KSR2: variants seen among roughly 807,000 people sequenced by gnomAD.
KSR2 encodes kinase suppressor of ras 2.
In KSR2, 25 loss-of-function variants were observed where a neutral mutation model predicts 107.8. That is an observed-to-expected ratio of 0.23 (90% CI 0.17 to 0.32). The LOEUF is 0.32. KSR2 is among the 10% of genes least tolerant of loss of function. The pLI is 1.00. For synonymous variants in KSR2, 480 were observed against 507.0 expected, an observed-to-expected ratio of 0.95 and a Z score of 0.71; for missense variants, 887 against 1,268.9, an observed-to-expected ratio of 0.70 and a Z score of 4.57.
intron 1 of KSR2, among the ~76,000 whole-genome samples, chr12:117,866,279 C>T (rs1470077418): frequency 1.3e-5 from 2 of 152,106 alleles, no homozygotes; most frequent in Admixed American, 6.5e-5. Flanking sequence ...TCTCTAACTC[C>T]TGGACTCAAG....
chr12:117,854,804 T>A (rs1893044962), intron 3 of KSR2, among the ~76,000 whole-genome samples: 1 of 151,400 alleles, frequency 6.6e-6, no homozygotes, highest in African/African-American at 2.4e-5. Flanking sequence ...ATGGAAAAGA[T>A]CCAGGAGGGA....
At chr12:117,771,955 A>C (rs561310) in intron 3 of KSR2, among the ~76,000 whole-genome samples, 15 of 140,150 alleles carry the variant, frequency 1.1e-4, no homozygotes, top group East Asian at 2.2e-4. Context: ...ACACCATTCC[A>C]TCAAAGACGC....
At chr12:117,683,533 T>C (rs1015513159) in intron 4 of KSR2, among the ~76,000 whole-genome samples, 1 of 152,220 alleles carries the variant, frequency 6.6e-6, no homozygotes, top group African/African-American at 2.4e-5. Flanking sequence ...GTGTATATTA[T>C]ATGTCTATTG....
chr12:117,481,752 A>C (rs1487342525), intron 16 of KSR2, among the ~76,000 whole-genome samples: 1 of 152,188 alleles, frequency 6.6e-6, no homozygotes, highest in Non-Finnish European at 1.5e-5. Context: ...TGCAAAGCCC[A>C]AAGCCTGGCC....
chr12:117,726,720 G>A (rs1254227063), intron 4 of KSR2, among the ~76,000 whole-genome samples: 1 of 152,222 alleles, frequency 6.6e-6, no homozygotes, highest in Non-Finnish European at 1.5e-5. Flanking sequence ...AAATATGCAA[G>A]CACTTTGGAA....
At chr12:117,582,068 T>G (rs894330467) in intron 6 of KSR2, among the ~76,000 whole-genome samples, 2 of 152,342 alleles carry the variant, frequency 1.3e-5, no homozygotes, top group African/African-American at 4.8e-5. Flanking sequence ...GGCTTTTAAC[T>G]GCTATGTGCT....
At chr12:117,887,223 C>T (rs4767635) in intron 1 of KSR2, among the ~76,000 whole-genome samples, 23,089 of 151,936 alleles carry the variant, frequency 0.15, 2,327 homozygotes, top group East Asian at 0.47. Flanking sequence ...CATGCCCAGC[C>T]GGATTTTTTT....
At chr12:117,620,980 C>T (rs11068578) in intron 5 of KSR2, among the ~76,000 whole-genome samples, 37,070 of 152,032 alleles carry the variant, frequency 0.24, 4,761 homozygotes, top group Middle Eastern at 0.3. Context: ...TAATCTGAGT[C>T]TCCACTTCTA....
At chr12:117,952,714 C>T (rs945078584) in intron 1 of KSR2, among the ~76,000 whole-genome samples, 3 of 148,558 alleles carry the variant, frequency 2.0e-5, no homozygotes, top group African/African-American at 5.0e-5. Context: ...CCGTGCGTGG[C>T]GGCTCACACC....
At chr12:117,784,188 T>A (rs35550155) in intron 3 of KSR2, among the ~76,000 whole-genome samples, 5,446 of 152,246 alleles carry the variant, frequency 0.036, 153 homozygotes, top group Non-Finnish European at 0.057. Flanking sequence ...AAATCTCACC[T>A]TGAATTGTCA....
intron 7 of KSR2, 109 bp from the exon 8 acceptor site, chr12:117,558,682 G>A (rs534489814): frequency 4.7e-5 from 37 of 781,048 alleles, no homozygotes; most frequent in Non-Finnish European, 8.0e-5. Flanking sequence ...TGAATGGATG[G>A]GTGAATGGAT....
chr12:117,671,488 C>G (rs1455844688), intron 4 of KSR2, among the ~76,000 whole-genome samples: 1 of 152,170 alleles, frequency 6.6e-6, no homozygotes, highest in East Asian at 1.9e-4. Flanking sequence ...TCCTTGGCAA[C>G]CAGCACAAAG....
chr12:117,689,541 G>A (rs1350198416), intron 4 of KSR2, among the ~76,000 whole-genome samples: 2 of 152,050 alleles, frequency 1.3e-5, no homozygotes, highest in African/African-American at 4.8e-5. Flanking sequence ...GGGTGTGGCT[G>A]TATATTAATA....
At chr12:117,947,144 G>A (rs1260657529) in intron 1 of KSR2, among the ~76,000 whole-genome samples, 2 of 146,844 alleles carry the variant, frequency 1.4e-5, no homozygotes, top group African/African-American at 2.5e-5. Context: ...CTCCAGCCTG[G>A]GTGACAGAGC....
At chr12:117,519,416 G>A (rs956812412) in intron 14 of KSR2, among the ~76,000 whole-genome samples, 1 of 152,202 alleles carries the variant, frequency 6.6e-6, no homozygotes, top group Non-Finnish European at 1.5e-5. Flanking sequence ...GGACACACCC[G>A]CAGAGGTTCT....
At chr12:117,693,614 C>A (rs1459199536) in intron 4 of KSR2, among the ~76,000 whole-genome samples, 1 of 152,166 alleles carries the variant, frequency 6.6e-6, no homozygotes, top group Non-Finnish European at 1.5e-5. Flanking sequence ...CTGCATGGTC[C>A]TCAGCATACA....
At chr12:117,497,484 G>A (rs776244465) in intron 14 of KSR2, among the ~76,000 whole-genome samples, 3 of 152,018 alleles carry the variant, frequency 2.0e-5, no homozygotes, top group African/African-American at 7.3e-5. Context: ...ATCCCTCCAC[G>A]CAGGGCAGCA....
intron 13 of KSR2, among the ~76,000 whole-genome samples, chr12:117,526,655 T>A (rs1875189721): frequency 6.6e-6 from 1 of 152,216 alleles, no homozygotes; most frequent in Non-Finnish European, 1.5e-5. Context: ...GCATTTCATG[T>A]ATTTCTGCAG....
intron 4 of KSR2, among the ~76,000 whole-genome samples, chr12:117,713,616 A>G (rs1886874764): frequency 6.6e-6 from 1 of 151,686 alleles, no homozygotes. Flanking sequence ...GATTACTTTT[A>G]TAATTTAAAA....
Sources: gnomAD v4.1 joint callset for allele counts (sites outside exome capture counted in the v4.1 genomes callset) on GRCh38, gnomAD v4.1.1 for gene constraint, MANE v1.5 for transcripts, NCBI Gene and HGNC (gene_info 2026-07-23, HGNC 2026-07-21) for gene names.